Variants in GAS7 observed in about 807,000 individuals in gnomAD.
The protein encoded by GAS7 is growth arrest specific 7, also known as growth arrest-specific protein 7.
A neutral mutation model predicts 71.1 loss-of-function variants in GAS7; 28 were observed. The ratio of observed to expected loss-of-function variants is 0.39; its 90% confidence interval spans 0.29 to 0.54. The LOEUF (loss-of-function observed/expected upper bound fraction) is 0.54, where lower values mean the gene tolerates loss of function less well. Among genes scored for constraint, GAS7 ranks in the 20% least tolerant of loss-of-function variants. GAS7 has a pLI of 0.62. For synonymous variants in GAS7, 258 were observed against 245.8 expected, an observed-to-expected ratio of 1.05 and a Z score of -0.46; for missense variants, 436 against 627.8, an observed-to-expected ratio of 0.69 and a Z score of 3.27.
intron 3 of GAS7, among the ~76,000 whole-genome samples, chr17:9,971,762 T>A (rs2069973919): frequency 6.6e-6 from 1 of 152,148 alleles, no homozygotes. Context: ...CACACTGATG[T>A]CCAACTCATG....
intron 1 of GAS7, among the ~76,000 whole-genome samples, chr17:10,144,977 A>C (rs545038394): frequency 2.6e-5 from 4 of 152,346 alleles, no homozygotes; most frequent in South Asian, 2.1e-4. Flanking sequence ...ACCAAACCAT[A>C]ATCAGAGACA....
At chr17:10,080,506 C>T (rs1215362412) in intron 1 of GAS7, among the ~76,000 whole-genome samples, 1 of 152,216 alleles carries the variant, frequency 6.6e-6, no homozygotes, top group Non-Finnish European at 1.5e-5. Context: ...TTTAGCTTTA[C>T]TCCATGAACT....
intron 1 of GAS7, among the ~76,000 whole-genome samples, chr17:10,081,191 G>T (rs1179984868): frequency 6.6e-6 from 1 of 152,042 alleles, no homozygotes; most frequent in Non-Finnish European, 1.5e-5. Flanking sequence ...TCTCGCTCTT[G>T]TTGCCTAGGC....
intron 8 of GAS7, among the ~76,000 whole-genome samples, chr17:9,935,844 C>T (rs543783094): frequency 6.6e-6 from 1 of 152,316 alleles, no homozygotes; most frequent in African/African-American, 2.4e-5. Flanking sequence ...GCCTGAAGGG[C>T]CTGAGATCCA....
chr17:10,196,153 C>T (rs2074538633), intron 1 of GAS7, among the ~76,000 whole-genome samples: 1 of 152,216 alleles, frequency 6.6e-6, no homozygotes, highest in South Asian at 2.1e-4. Flanking sequence ...GATCCAGACC[C>T]TTCGCTCACA....
chr17:10,110,053 C>CAAAAAAAA (rs956917519), intron 1 of GAS7, among the ~76,000 whole-genome samples: 1 of 73,520 alleles, frequency 1.4e-5, no homozygotes, highest in African/African-American at 5.5e-5. Flanking sequence ...GGCTCCGTCT[C>CAAAAAAAA]AAAAAAAAAA....
Position 9,959,471 on chromosome 17 carries a change from C to T in GAS7, c.472-216G>A. 1.4e-6 allele frequency: 2 copies of T among 1,422,552 alleles called. No homozygotes were observed. Among genetic ancestry groups the T allele is most frequent in the Non-Finnish European group, 1.8e-6 (2 of 1,091,174 alleles). The allele number at this position is 1,422,552 out of a possible 1,614,324, so 88.1% of individuals were successfully genotyped here. A position where few individuals can be genotyped will look rare whatever the true frequency, so the allele number is the denominator to read the frequency against. On this transcript the variant is annotated intron_variant, in intron 4 of 13. Coordinates refer to ENST00000432992, the MANE Select transcript of GAS7 (RefSeq NM_201433.2). The surrounding 1 kb of genome is among the most constrained non-coding windows in gnomAD (Gnocchi z 5.0). ...CGGGCTGAAGGCGAATTAAGGAAGCCTCCTGCACAGGCTCTGAGAGAACTG... is the reference window on the plus strand; with the variant it reads ...CGGGCTGAAGGCGAATTAAGGAAGCTTCCTGCACAGGCTCTGAGAGAACTG...
At chr17:9,994,770 A>T (rs535549314) in intron 2 of GAS7, among the ~76,000 whole-genome samples, 4 of 152,080 alleles carry the variant, frequency 2.6e-5, no homozygotes, top group African/African-American at 9.7e-5. Context: ...AAATTTTCAC[A>T]ACCTACTCAC....
rs551971592 is a variant in GAS7, at chr17:10,075,512, G to T, written c.184-55615C>A. Among the ~76,000 whole-genome samples the T allele has an allele frequency of 1.3e-5, 2 of 152,182 alleles. 1 individual carries two copies. Among genetic ancestry groups the T allele is most frequent in the South Asian group, 4.1e-4 (2 of 4,824 alleles). ...TTATAACACAGTGAGGCAACAAAAA[G>T]AAATAAATAAATGAAATAAAGCCTC... is the stretch of plus-strand genomic sequence containing the variant. On this transcript the variant is annotated intron_variant, in intron 1 of 13. Coordinates refer to ENST00000432992, the MANE Select transcript of GAS7 (RefSeq NM_201433.2).
intron 1 of GAS7, among the ~76,000 whole-genome samples, chr17:10,075,030 C>T (rs1426167545): frequency 6.6e-6 from 1 of 151,484 alleles, no homozygotes; most frequent in Non-Finnish European, 1.5e-5. Flanking sequence ...TTAAAACACA[C>T]ACACCAGGAC....
chr17:10,177,166 G>C (rs1030661772), intron 1 of GAS7, among the ~76,000 whole-genome samples: 2 of 152,180 alleles, frequency 1.3e-5, no homozygotes, highest in Admixed American at 6.6e-5. Context: ...GACTCTGCCT[G>C]GGGGAGAGCA....
At chr17:10,027,376 C>T (rs1293791762) in intron 1 of GAS7, among the ~76,000 whole-genome samples, 1 of 152,084 alleles carries the variant, frequency 6.6e-6, no homozygotes, top group African/African-American at 2.4e-5. Context: ...TGTGTGTGCC[C>T]CATCTGTGAA....
intron 1 of GAS7, among the ~76,000 whole-genome samples, chr17:10,036,120 C>CTGG (rs1282964985): frequency 3.3e-5 from 5 of 152,212 alleles, no homozygotes; most frequent in African/African-American, 1.2e-4. Flanking sequence ...AACTGCTCCC[C>CTGG]AGGTAACTAG....
chr17:10,007,897 C>T (rs192745960), intron 2 of GAS7, among the ~76,000 whole-genome samples: 1 of 142,272 alleles, frequency 7.0e-6, no homozygotes, highest in African/African-American at 2.9e-5. Context: ...GCCATTAATT[C>T]CAGCTCCCCC....
At chr17:9,954,485 G>C (rs1248556491) in intron 5 of GAS7, among the ~76,000 whole-genome samples, 1 of 150,934 alleles carries the variant, frequency 6.6e-6, no homozygotes, top group South Asian at 2.1e-4. Context: ...GGGGTGGGGG[G>C]TGGGGGGTCA....
At chr17:10,083,332 GCGTGGCCAACATGGTAA>G (rs2073478290) in intron 1 of GAS7, among the ~76,000 whole-genome samples, 1 of 152,190 alleles carries the variant, frequency 6.6e-6, no homozygotes. Context: ...ATCAAGACCA[GCGTGGCCAACATGGTAA>G]AACCCTGTCT....
intron 3 of GAS7, among the ~76,000 whole-genome samples, chr17:9,971,797 C>G (rs889984307): frequency 6.6e-6 from 1 of 152,178 alleles, no homozygotes; most frequent in Non-Finnish European, 1.5e-5. Context: ...AACTCTATAG[C>G]GTGGCAGGAA....
chr17:10,021,855 C>G (rs776988710), intron 1 of GAS7, among the ~76,000 whole-genome samples: 1 of 152,114 alleles, frequency 6.6e-6, no homozygotes, highest in Admixed American at 6.6e-5. Context: ...CGTGTGCATG[C>G]GCGCGTGCAT....
At chr17:10,040,110 T>C (rs2072835058) in intron 1 of GAS7, among the ~76,000 whole-genome samples, 2 of 152,164 alleles carry the variant, frequency 1.3e-5, no homozygotes, top group Non-Finnish European at 2.9e-5. Flanking sequence ...ATGTTTCATG[T>C]CACTTAATCC....
Sources: gnomAD v4.1 joint callset for allele counts (sites outside exome capture counted in the v4.1 genomes callset) on GRCh38, gnomAD v4.1.1 for gene constraint, Gnocchi (gnomAD v3.1) non-coding constraint, MANE v1.5 for transcripts, NCBI Gene and HGNC (gene_info 2026-07-23, HGNC 2026-07-21) for gene names.